PRICKLE2: variants seen among roughly 807,000 people sequenced by gnomAD.
The protein encoded by PRICKLE2 is prickle-like protein 2.
In PRICKLE2, 21 loss-of-function variants were observed where a neutral mutation model predicts 81.4. The observed-to-expected ratio is 0.26, with a 90% CI of 0.18 to 0.37. The LOEUF is 0.37. PRICKLE2 is among the 10% of genes least tolerant of loss of function. The pLI is 1.00. For synonymous variants in PRICKLE2, 456 were observed against 421.5 expected, an observed-to-expected ratio of 1.08 and a Z score of -1.00; for missense variants, 940 against 1,109.0, an observed-to-expected ratio of 0.85 and a Z score of 2.16.
chr3:64,224,843 C>T (rs2079008644), intron 1 of PRICKLE2, 67 bp downstream of exon 1: 1 of 925,026 alleles, frequency 1.1e-6, no homozygotes, highest in Admixed American at 6.2e-5. Flanking sequence ...CTAGATCTGG[C>T]TTTCTCATCC....
chr3:64,221,955 G>T (rs2078962721), intron 1 of PRICKLE2, among the ~76,000 whole-genome samples: 1 of 152,230 alleles, frequency 6.6e-6, no homozygotes, highest in East Asian at 1.9e-4. Flanking sequence ...CATTTTACTT[G>T]GATTTCCCAA....
rs1205407393 is a variant in PRICKLE2 at position 64,099,919 on chromosome 3, G to T, written c.1667C>A (p.Ser556Tyr). Residue 556 changes from serine to tyrosine, a missense_variant, in exon 8 of 8, where the codon TCT becomes TAT. By Grantham distance (144) the Ser-to-Tyr change is moderately radical. This residue lies in a region of PRICKLE2 where 670 missense variants were observed against 717.2 expected (regional missense o/e 0.93). Coordinates refer to ENST00000638394, the MANE Select transcript of PRICKLE2 (RefSeq NM_198859.4). This position sits in a 1 kb window ranked among gnomAD's most constrained non-coding sequence, Gnocchi z 4.3. ...CTGGCGCTTGGCACCACCATCAGCA[G>T]AGAGGCCTGGGGAAGAGAGGAGGGG... ...SLALSNATGLSADGGAKRQEH... is the reference protein window; with the variant it reads ...SLALSNATGLYADGGAKRQEH... 6.8e-6 allele frequency: 11 copies of T among 1,614,022 alleles called. No individual in the cohort carries two copies. Among genetic ancestry groups the T allele is most frequent in the Non-Finnish European group, 9.3e-6 (11 of 1,180,036 alleles).
intron 2 of PRICKLE2, among the ~76,000 whole-genome samples, chr3:64,231,660 T>C (rs571974163): frequency 6.6e-6 from 1 of 152,284 alleles, no homozygotes; most frequent in Non-Finnish European, 1.5e-5. Flanking sequence ...CAAGAAAAAT[T>C]ATTACTACAA....
intron 7 of PRICKLE2, among the ~76,000 whole-genome samples, chr3:64,144,682 G>T (rs565113300): frequency 6.6e-6 from 1 of 152,248 alleles, no homozygotes; most frequent in Non-Finnish European, 1.5e-5. Flanking sequence ...CAAGCTATCA[G>T]TGGTGAAGGA....
chr3:64,137,220 C>T (rs2077291818), intron 7 of PRICKLE2, among the ~76,000 whole-genome samples: 1 of 152,090 alleles, frequency 6.6e-6, no homozygotes, highest in Admixed American at 6.6e-5. Context: ...AAGCCATTTC[C>T]AAGTGGATAA....
At chr3:64,250,776 C>A (rs1043541409) in intron 2 of PRICKLE2, among the ~76,000 whole-genome samples, 2 of 152,166 alleles carry the variant, frequency 1.3e-5, no homozygotes, top group Non-Finnish European at 2.9e-5. Flanking sequence ...CAGAGTGAAA[C>A]CCCAAGTCCT....
At chr3:64,184,284 A>C (rs567207811) in intron 2 of PRICKLE2, among the ~76,000 whole-genome samples, 48 of 152,304 alleles carry the variant, frequency 3.2e-4, no homozygotes, top group African/African-American at 1.2e-3. Context: ...AGAAAGAATG[A>C]CCTCAACAAG....
At position 64,164,147 on chromosome 3, in the gene PRICKLE2, C is replaced by T. The variant is rs377122401; in HGVS notation, c.145-1018G>A. Among the ~76,000 whole-genome samples, 43 of 152,014 alleles carry T rather than the reference C, an allele frequency of 2.8e-4. No individual in the cohort carries two copies. In the East Asian group the frequency reaches 6.0e-3, roughly 21 times the overall value. On this transcript the variant is annotated intron_variant, in intron 2 of 7. Transcript: ENST00000638394. ...CAGCACCTTGGGGGGCTGAGGCGGGCGGGAGAACCACCTGAGGGCGGCAGT... is the reference window on the plus strand; with the variant it reads ...CAGCACCTTGGGGGGCTGAGGCGGGTGGGAGAACCACCTGAGGGCGGCAGT...
chr3:64,159,828 A>C, intron 4 of PRICKLE2, 112 bp downstream of exon 4: 1 of 1,382,432 alleles, frequency 7.2e-7, no homozygotes, highest in Non-Finnish European at 1.0e-6. Context: ...TCTTTTGTTC[A>C]CTACTGTATC....
At chr3:64,198,309 A>C (rs915081014) in intron 2 of PRICKLE2, among the ~76,000 whole-genome samples, 1 of 152,160 alleles carries the variant, frequency 6.6e-6, no homozygotes, top group African/African-American at 2.4e-5. Context: ...TTTGTTGGAC[A>C]TAGAGAAGAT....
intron 2 of PRICKLE2, among the ~76,000 whole-genome samples, chr3:64,186,928 G>A (rs944227869): frequency 1.3e-5 from 2 of 152,324 alleles, no homozygotes; most frequent in Admixed American, 6.5e-5. Context: ...GTGCAGCTGT[G>A]AATTTATGCA....
chr3:64,263,510 C>A (rs551399091), intron 2 of PRICKLE2, among the ~76,000 whole-genome samples: 11 of 152,268 alleles, frequency 7.2e-5, no homozygotes, highest in African/African-American at 2.6e-4. Context: ...TTACAATATT[C>A]CCTTTGAGTT....
chr3:64,265,364 T>C (rs1459731911), intron 2 of PRICKLE2, among the ~76,000 whole-genome samples: 2 of 152,018 alleles, frequency 1.3e-5, no homozygotes, highest in African/African-American at 4.8e-5. Context: ...TTTTAGTAGC[T>C]AAAAAAAATC....
In PRICKLE2 at chr3:64,099,176, C is replaced by G. The variant is rs748036417; in HGVS notation, c.2410G>C (p.Val804Leu). The G allele has an allele frequency of 1.9e-6, 3 of 1,614,116 alleles. No individual in the cohort carries two copies. The highest frequency in any genetic ancestry group is 1.3e-5 in the African/African-American group (1 of 74,944). Residue 804 changes from valine (V) to leucine (L), a missense_variant, in exon 8 of 8, where the codon GTC becomes CTC. By Grantham distance (32) the Val-to-Leu change is conservative (BLOSUM62 1). This residue lies in a region of PRICKLE2 where 670 missense variants were observed against 717.2 expected (regional missense o/e 0.93). Transcript: ENST00000638394. This position sits in a 1 kb window ranked among gnomAD's most constrained non-coding sequence, Gnocchi z 4.3. Reference sequence around the variant, plus strand: ...TTGTGCAGCAGCTCATCGCTTGTGACGTATCGCAGGCGCGCTGGCTGGGGG... The same window carrying G: ...TTGTGCAGCAGCTCATCGCTTGTGAGGTATCGCAGGCGCGCTGGCTGGGGG... ...PIPQPARLRYVTSDELLHKYS... is the reference protein window; with the variant it reads ...PIPQPARLRYLTSDELLHKYS...
At position 64,097,963 on chromosome 3, in the gene PRICKLE2, C is replaced by A. The variant is rs904971831; in HGVS notation, c.*1088G>T. 3 of 152,660 alleles carry A rather than the reference C, an allele frequency of 2.0e-5. No individual in the cohort carries two copies. The highest frequency in any genetic ancestry group is 4.4e-5 in the Non-Finnish European group (3 of 68,048). 9.5% of individuals were successfully genotyped at this position (152,660 alleles called of 1,614,324 possible). A position where few individuals can be genotyped will look rare whatever the true frequency, so the allele number is the denominator to read the frequency against. The stretch of plus-strand genomic sequence containing the variant: ...CAGAGCCCCCTCAGAATCCTTCTGT[C>A]CCTCAATCCCAAATGCTTAAGTTCA... On this transcript the variant is annotated 3_prime_UTR_variant, in exon 8 of 8. Coordinates refer to ENST00000638394, the MANE Select transcript of PRICKLE2 (RefSeq NM_198859.4).
intron 2 of PRICKLE2, among the ~76,000 whole-genome samples, chr3:64,244,058 C>T (rs1202650035): frequency 2.6e-5 from 4 of 152,084 alleles, no homozygotes; most frequent in African/African-American, 7.2e-5. Context: ...GATGCCATGA[C>T]GAATCAAAGA....
chr3:64,132,762 C>T (rs1447411497), intron 7 of PRICKLE2, among the ~76,000 whole-genome samples: 1 of 152,178 alleles, frequency 6.6e-6, no homozygotes, highest in Non-Finnish European at 1.5e-5. Context: ...GGGTAGCCCA[C>T]CAGCATGGCC....
chr3:64,225,878 G>A (rs1171978249), upstream of PRICKLE2, among the ~76,000 whole-genome samples: 2 of 150,716 alleles, frequency 1.3e-5, no homozygotes, highest in Admixed American at 6.6e-5. Context: ...CTTCAAAAAT[G>A]CCTCTCCTTT....
At chr3:64,246,157 G>T (rs1448471783) in intron 2 of PRICKLE2, among the ~76,000 whole-genome samples, 1 of 152,110 alleles carries the variant, frequency 6.6e-6, no homozygotes, top group African/African-American at 2.4e-5. Context: ...CAAGAGAATT[G>T]CTTGAACCTG....
Sources: gnomAD v4.1 joint callset for allele counts (sites outside exome capture counted in the v4.1 genomes callset) on GRCh38, gnomAD v4.1.1 for gene constraint, gnomAD v4.1.1 regional missense constraint, Gnocchi (gnomAD v3.1) non-coding constraint, MANE v1.5 for transcripts, NCBI Gene and HGNC (gene_info 2026-07-23, HGNC 2026-07-21) for gene names.